RBFOX3: variants seen among roughly 807,000 people sequenced by gnomAD.
RBFOX3 encodes the protein RNA binding protein fox-1 homolog 3.
RBFOX3 carries 17 observed loss-of-function variants against 48.7 expected under a neutral mutation model. The observed-to-expected ratio is 0.35, with a 90% CI of 0.24 to 0.52. The LOEUF (loss-of-function observed/expected upper bound fraction) is 0.52. RBFOX3 is among the 20% of genes least tolerant of loss of function. The pLI, the probability that RBFOX3 is intolerant of heterozygous loss-of-function variation, is 0.94. For missense variants in RBFOX3, 382 were observed against 497.5 expected (o/e 0.77, Z 2.21); for synonymous variants, 212 against 209.5 (o/e 1.01, Z -0.10).
intron 5 of RBFOX3, among the ~76,000 whole-genome samples, chr17:79,114,362 A>AT (rs2033160727): frequency 6.6e-6 from 1 of 152,032 alleles, no homozygotes; most frequent in Non-Finnish European, 1.5e-5. Context: ...GGAAAGGCTG[A>AT]TGGTCTCGGG....
At chr17:79,301,537 C>T (rs1407841914) in intron 3 of RBFOX3, among the ~76,000 whole-genome samples, 1 of 152,256 alleles carries the variant, frequency 6.6e-6, no homozygotes, top group Non-Finnish European at 1.5e-5. Context: ...GCCAGTCTCA[C>T]AGGCTCTGCC....
At chr17:79,552,520 T>A (rs2091251782) in intron 1 of RBFOX3, among the ~76,000 whole-genome samples, 2 of 151,988 alleles carry the variant, frequency 1.3e-5, no homozygotes, top group African/African-American at 4.8e-5. Context: ...CAAGCTCCAG[T>A]GGGGAAGGAA....
At chr17:79,462,158 C>A (rs2075447865) in intron 2 of RBFOX3, among the ~76,000 whole-genome samples, 1 of 152,224 alleles carries the variant, frequency 6.6e-6, no homozygotes, top group African/African-American at 2.4e-5. Context: ...ATTTCTATCT[C>A]TATCCATCAA....
intron 5 of RBFOX3, among the ~76,000 whole-genome samples, chr17:79,113,067 C>T (rs531501600): frequency 2.3e-3 from 356 of 152,158 alleles, no homozygotes; most frequent in Non-Finnish European, 3.8e-3. Flanking sequence ...ACTTCCTATC[C>T]CGAAGATCTA....
chr17:79,130,247 T>TCC (rs536960695), intron 4 of RBFOX3, among the ~76,000 whole-genome samples: 2 of 151,836 alleles, frequency 1.3e-5, no homozygotes, highest in African/African-American at 2.4e-5. Flanking sequence ...CAGGTCCCCT[T>TCC]CCCCCCCGAC....
intron 2 of RBFOX3, among the ~76,000 whole-genome samples, chr17:79,436,940 G>C (rs2069599596): frequency 6.6e-6 from 1 of 152,176 alleles, no homozygotes; most frequent in East Asian, 1.9e-4. Flanking sequence ...GGCAGGAGGA[G>C]GGGTGCTGTG....
chr17:79,397,209 G>A (rs1810230), intron 2 of RBFOX3, among the ~76,000 whole-genome samples: 21,730 of 152,018 alleles, frequency 0.14, 1,468 homozygotes, highest in Middle Eastern at 0.2. Context: ...TGGGCTGGGC[G>A]CAGTGGCTCA....
At chr17:79,621,695 G>T in the RBFOX3 span, among the ~76,000 whole-genome samples, 1 of 152,306 alleles carries the variant, frequency 6.6e-6, no homozygotes, top group Admixed American at 6.5e-5. Context: ...GTCACTAAAT[G>T]TTCATGCGTG....
chr17:79,350,699 C>G (rs2083757316), intron 2 of RBFOX3, among the ~76,000 whole-genome samples: 1 of 152,186 alleles, frequency 6.6e-6, no homozygotes, highest in Non-Finnish European at 1.5e-5. Context: ...TCCCTGTGAC[C>G]TGGTGCTCTG....
intron 1 of RBFOX3, among the ~76,000 whole-genome samples, chr17:79,577,112 C>T (rs1361123166): frequency 3.9e-5 from 6 of 152,200 alleles, no homozygotes; most frequent in African/African-American, 1.4e-4. Context: ...ACCCCCATCC[C>T]AGCCTTGCCC....
chr17:79,519,464 C>T (rs1471737895), intron 1 of RBFOX3, among the ~76,000 whole-genome samples: 1 of 152,228 alleles, frequency 6.6e-6, no homozygotes, highest in East Asian at 1.9e-4. Flanking sequence ...AACAGAGCCC[C>T]TCAAGAGGGA....
chr17:79,219,299 C>T (rs2059433215), intron 4 of RBFOX3, among the ~76,000 whole-genome samples: 1 of 152,226 alleles, frequency 6.6e-6, no homozygotes, highest in African/African-American at 2.4e-5. Flanking sequence ...ACACGGAAAG[C>T]ACAACAAATT....
At chr17:79,359,232 C>T (rs2085832871) in intron 2 of RBFOX3, among the ~76,000 whole-genome samples, 1 of 152,228 alleles carries the variant, frequency 6.6e-6, no homozygotes, top group Non-Finnish European at 1.5e-5. Flanking sequence ...CAGCGCCTAC[C>T]CCGCCCCTCC....
chr17:79,617,822 G>A, the RBFOX3 span, among the ~76,000 whole-genome samples: 1 of 152,202 alleles, frequency 6.6e-6, no homozygotes, highest in Admixed American at 6.5e-5. Context: ...GGCCCAGAAT[G>A]TCCCGTGGCT....
At chr17:79,149,435 G>A (rs1011693723) in intron 4 of RBFOX3, among the ~76,000 whole-genome samples, 9 of 152,176 alleles carry the variant, frequency 5.9e-5, no homozygotes, top group Non-Finnish European at 7.4e-5. Context: ...ATTGGAACAC[G>A]GGCATTGCTG....
chr17:79,536,686 TG>T (rs2088819255), intron 1 of RBFOX3, among the ~76,000 whole-genome samples: 1 of 152,180 alleles, frequency 6.6e-6, no homozygotes, highest in African/African-American at 2.4e-5. Context: ...AGTCCCACAC[TG>T]TATCATCCGT....
At chr17:79,383,017 A>T (rs2060113352) in intron 2 of RBFOX3, among the ~76,000 whole-genome samples, 1 of 116,094 alleles carries the variant, frequency 8.6e-6, no homozygotes. Context: ...AAATCAATCA[A>T]TCTCTGCCTC....
At chr17:79,387,221 G>A (rs1368903685) in intron 2 of RBFOX3, among the ~76,000 whole-genome samples, 1 of 152,184 alleles carries the variant, frequency 6.6e-6, no homozygotes, top group Non-Finnish European at 1.5e-5. Flanking sequence ...CGTGACTTCA[G>A]TAATTTGTTT....
At chr17:79,511,942 A>C (rs1416840337) in intron 1 of RBFOX3, among the ~76,000 whole-genome samples, 9 of 62,826 alleles carry the variant, frequency 1.4e-4, no homozygotes, top group South Asian at 1.2e-3. Context: ...TTACCATCGG[A>C]TACAGCCCCA....
Sources: gnomAD v4.1 joint callset for allele counts (sites outside exome capture counted in the v4.1 genomes callset) on GRCh38, gnomAD v4.1.1 for gene constraint, MANE v1.5 for transcripts, NCBI Gene and HGNC (gene_info 2026-07-23, HGNC 2026-07-21) for gene names.